EP300: variants seen among roughly 807,000 people sequenced by gnomAD.
The protein encoded by EP300 is histone acetyltransferase p300.
Under a neutral mutation model 264.0 loss-of-function variants are expected in EP300, and 31 were observed. The ratio of observed to expected loss-of-function variants is 0.12; its 90% CI spans 0.09 to 0.16. EP300 has a LOEUF of 0.16. EP300 is among the 10% of genes least tolerant of loss of function. EP300 has a pLI of 1.00. For synonymous variants in EP300, 1,340 were observed against 1,045.4 expected, an observed-to-expected ratio of 1.28 and a Z score of -5.44; for missense variants, 2,766 against 3,052.9, an observed-to-expected ratio of 0.91 and a Z score of 2.21.
intron 5 of EP300, among the ~76,000 whole-genome samples, chr22:41,130,778 TA>T (rs2058914361): frequency 6.6e-6 from 1 of 152,038 alleles, no homozygotes; most frequent in South Asian, 2.1e-4. Flanking sequence ...AATATGAGAT[TA>T]TTTTTATAAT....
chr22:41,165,742 A>T (rs1290300239), intron 22 of EP300, among the ~76,000 whole-genome samples: 1 of 151,174 alleles, frequency 6.6e-6, no homozygotes, highest in Non-Finnish European at 1.5e-5. Flanking sequence ...ATTTATGTGT[A>T]TTTAATTTTT....
At chr22:41,101,414 CT>C (rs72279139) in intron 1 of EP300, among the ~76,000 whole-genome samples, 6,494 of 138,982 alleles carry the variant, frequency 0.047, 343 homozygotes, top group East Asian at 0.2. Flanking sequence ...TTACATGGAT[CT>C]TTTTTTTTTT....
At chr22:41,109,606 A>G (rs2058777464) in intron 1 of EP300, among the ~76,000 whole-genome samples, 2 of 152,330 alleles carry the variant, frequency 1.3e-5, no homozygotes, top group African/African-American at 4.8e-5. Flanking sequence ...AGTGTGTGCC[A>G]GGTACTGTTC....
At position 41,167,826 on chromosome 22, in the gene EP300, G is replaced by GTTTTTTTTT. The variant is rs1192332279; in HGVS notation, c.3875-606_3875-598dup. 6.2e-4 allele frequency among the ~76,000 whole-genome samples: 20 copies of GTTTTTTTTT among 32,160 alleles called. 2 individuals carry two copies. The highest frequency in any genetic ancestry group is 3.2e-3 in the East Asian group (2 of 632). The allele number at this position is 32,160 out of a possible 152,430, so 21.1% of individuals were successfully genotyped here. On this transcript the variant is annotated intron_variant, in intron 23 of 30. Coordinates refer to ENST00000263253, the MANE Select transcript of EP300 (RefSeq NM_001429.4). ...TCTGTTTGTTTTTGTTTTTTTTTTTGTTTTTTTTTTTTTTTTTTTTTTTTT... is the reference window on the plus strand; with the variant it reads ...TCTGTTTGTTTTTGTTTTTTTTTTTGTTTTTTTTTTTTTTTTTTTTTTTTTTTTTTTTTT...
At chr22:41,093,335 G>T (rs1033090252) in intron 1 of EP300, among the ~76,000 whole-genome samples, 4 of 152,186 alleles carry the variant, frequency 2.6e-5, no homozygotes, top group African/African-American at 9.7e-5. Context: ...ATTAGAGCTC[G>T]TAAGTGGGTG....
Position 41,178,779 on chromosome 22 carries a change from C to T in EP300, c.7068C>T (p.Ala2356=), listed in dbSNP as rs1399763232. Residue 2356 remains alanine (A), a synonymous_variant, in exon 31 of 31, where the codon GCC becomes GCT. Transcript: ENST00000263253. The part of the protein sequence containing the change: ...SPHPGLVAAQ[A]NPMEQGHFAS... ...ATCCTGGACTGGTAGCTGCCCAGGCCAACCCCATGGAACAAGGGCATTTTG... is the reference window on the plus strand; with the variant it reads ...ATCCTGGACTGGTAGCTGCCCAGGCTAACCCCATGGAACAAGGGCATTTTG... 1 of 1,614,132 alleles carries T rather than the reference C, an allele frequency of 6.2e-7. No homozygotes were observed. Among genetic ancestry groups the T allele is most frequent in the Non-Finnish European group, 8.5e-7 (1 of 1,180,028 alleles).
In EP300 at chr22:41,177,364, C is replaced by A; in HGVS notation, c.5653C>A (p.Pro1885Thr). 1 of 1,614,024 alleles carries A rather than the reference C, an allele frequency of 6.2e-7. No homozygotes were observed. Among genetic ancestry groups the A allele is most frequent in the Non-Finnish European group, 8.5e-7 (1 of 1,179,996 alleles). The change falls in exon 31 of 31, where the codon CCC becomes ACC. Residue 1885 changes from proline (P) to threonine (T), a missense_variant. By Grantham distance (38) the Pro-to-Thr change is conservative. Transcript: ENST00000263253. ...PQPTPPNSMP[P>T]YLPRTQAAGP... ...GCCTACCCCTCCCAATAGCATGCCACCCTACTTGCCCAGGACTCAAGCTGC... is the reference window on the plus strand; with the variant it reads ...GCCTACCCCTCCCAATAGCATGCCAACCTACTTGCCCAGGACTCAAGCTGC...
At chr22:41,113,577 C>T (rs1008439620) in intron 1 of EP300, among the ~76,000 whole-genome samples, 2 of 152,196 alleles carry the variant, frequency 1.3e-5, no homozygotes, top group African/African-American at 2.4e-5. Context: ...GACGGAGTCT[C>T]GCTCTGTCGC....
intron 19 of EP300, 130 bp from the exon 20 acceptor site, chr22:41,160,512 C>T (rs780062737): frequency 3.7e-5 from 28 of 753,964 alleles, no homozygotes; most frequent in Non-Finnish European, 5.2e-5. Flanking sequence ...ATGTCCTTGT[C>T]GCCGTTGATG....
In EP300 at chr22:41,176,896, G is replaced by A. The variant is rs1182102504; in HGVS notation, c.5185G>A (p.Asp1729Asn). Residue 1729 changes from aspartate to asparagine, a missense_variant, in exon 31 of 31, where the codon GAT (aspartate) becomes AAT (asparagine). Coordinates refer to ENST00000263253, the MANE Select transcript of EP300 (RefSeq NM_001429.4). Reference sequence around the variant, plus strand: ...GGCTGCAGCCACCCAGAGCCCAGGCGATTCTCGCCGCCTGAGTATCCAGCG... The same window carrying A: ...GGCTGCAGCCACCCAGAGCCCAGGCAATTCTCGCCGCCTGAGTATCCAGCG... ...QQAAATQSPG[D>N]SRRLSIQRCI... The A allele has an allele frequency of 2.5e-6, 4 of 1,614,128 alleles. No homozygotes were observed. Among genetic ancestry groups the A allele is most frequent in the East Asian group, 2.2e-5 (1 of 44,876 alleles).
chr22:41,102,211 C>T (rs1486626201), intron 1 of EP300, among the ~76,000 whole-genome samples: 2 of 152,058 alleles, frequency 1.3e-5, no homozygotes, highest in Non-Finnish European at 2.9e-5. Context: ...ATTGTTCCTT[C>T]TTTCCTTCCT....
Position 41,155,108 on chromosome 22 carries a change from A to G in EP300, c.3256A>G (p.Ile1086Val). 7 of 1,604,140 alleles carry G rather than the reference A, an allele frequency of 4.4e-6. No individual in the cohort carries two copies. The highest frequency in any genetic ancestry group is 6.0e-6 in the Non-Finnish European group (7 of 1,170,970). Residue 1086 changes from isoleucine (I) to valine (V), a missense_variant, in exon 17 of 31, where the codon ATC becomes GTC. By Grantham distance (29) the Ile-to-Val change is conservative. Coordinates refer to ENST00000263253, the MANE Select transcript of EP300 (RefSeq NM_001429.4). ...RQPVDPQLLG[I>V]PDYFDIVKSP... ...ACCTGTGGACCCTCAGCTTTTAGGA[A>G]TCCCTGTAAGTATTTGGTGGTACTT... is the stretch of plus-strand genomic sequence containing the variant.
chr22:41,104,307 T>C (rs1380796311), intron 1 of EP300, among the ~76,000 whole-genome samples: 3 of 152,034 alleles, frequency 2.0e-5, no homozygotes, highest in African/African-American at 7.2e-5. Flanking sequence ...TTTTTTTTTT[T>C]CATACAGAGT....
At chr22:41,148,962 G>A (rs2059027366) in intron 12 of EP300, 76 bp from the exon 13 acceptor site, 1 of 1,599,360 alleles carries the variant, frequency 6.3e-7, no homozygotes, top group East Asian at 2.2e-5. Context: ...GACGTTAGGA[G>A]CATTTGATGA....
chr22:41,173,470 A>C (rs1415436623), intron 28 of EP300, among the ~76,000 whole-genome samples, 153 bp from the exon 29 acceptor site: 1 of 152,236 alleles, frequency 6.6e-6, no homozygotes, highest in Non-Finnish European at 1.5e-5. Flanking sequence ...TAACAACTTT[A>C]AGGAGAAAGA....
chr22:41,130,836 T>C (rs942297264), intron 5 of EP300, among the ~76,000 whole-genome samples: 7 of 152,024 alleles, frequency 4.6e-5, no homozygotes, highest in Non-Finnish European at 1.0e-4. Context: ...AAGACGAGAT[T>C]AACACTTTAA....
At chr22:41,120,569 T>C (rs2058846659) in intron 2 of EP300, among the ~76,000 whole-genome samples, 1 of 152,138 alleles carries the variant, frequency 6.6e-6, no homozygotes, top group Admixed American at 6.6e-5. Context: ...GAATCTGTGG[T>C]TCAGGAGGTG....
chr22:41,095,848 G>A (rs1268366369), intron 1 of EP300, among the ~76,000 whole-genome samples: 1 of 151,920 alleles, frequency 6.6e-6, no homozygotes, highest in African/African-American at 2.4e-5. Context: ...AGCTTTAAAG[G>A]AAAGAAAACT....
intron 1 of EP300, among the ~76,000 whole-genome samples, chr22:41,104,375 T>C (rs1384343181): frequency 6.6e-6 from 1 of 151,964 alleles, no homozygotes; most frequent in Non-Finnish European, 1.5e-5. Context: ...CTGCAACCTC[T>C]GCCTCCCCGG....
Sources: gnomAD v4.1 joint callset for allele counts (sites outside exome capture counted in the v4.1 genomes callset) on GRCh38, gnomAD v4.1.1 for gene constraint, MANE v1.5 for transcripts, NCBI Gene and HGNC (gene_info 2026-07-23, HGNC 2026-07-21) for gene names.